The following PCSK7 variants were observed in gnomAD, a reference collection of about 807,000 sequenced individuals.
The protein encoded by PCSK7 is proprotein convertase subtilisin/kexin type 7.
Under a neutral mutation model 73.3 loss-of-function variants are expected in PCSK7, and 38 were observed. That is an observed-to-expected ratio of 0.52 (90% confidence interval 0.40 to 0.68). The LOEUF is 0.68. Among genes scored for constraint, PCSK7 ranks in the 30% least tolerant of loss-of-function variants. The pLI, the probability that PCSK7 is intolerant of heterozygous loss-of-function variation, is 0.00. For missense variants in PCSK7, 692 were observed against 991.5 expected (o/e 0.70, Z 4.06); for synonymous variants, 296 against 383.8 (o/e 0.77, Z 2.68).
intron 9 of PCSK7, chr11:117,221,530 T>C (rs7928125): frequency 6.6e-6 from 1 of 152,268 alleles, no homozygotes. Flanking sequence ...AAGACAGCTC[T>C]ACCCAGCTGC....
chr11:117,224,180 C>T lies in PCSK7; in HGVS notation c.952G>A (p.Gly318Ser), dbSNP rs1178562940. The change falls in exon 8 of 17, where the codon GGC becomes AGC. Residue 318 changes from glycine (G) to serine (S), a missense_variant. Coordinates refer to ENST00000320934, the MANE Select transcript of PCSK7 (RefSeq NM_004716.4). ...LQHGVIAGRQ[G>S]FGSIFVVASG... is the part of the protein sequence containing the mutation. ...GCTACCACAAAGATGCTCCCAAAGC[C>T]CTGGCGACCAGCAATCACCCCATGT... The T allele has an allele frequency of 1.9e-6, 3 of 1,614,146 alleles. No homozygotes were observed. Among genetic ancestry groups the T allele is most frequent in the Non-Finnish European group, 2.5e-6 (3 of 1,180,028 alleles).
At chr11:117,230,654 A>G (rs2032612052) in intron 1 of PCSK7, among the ~76,000 whole-genome samples, 186 bp from the exon 2 acceptor site, 1 of 152,008 alleles carries the variant, frequency 6.6e-6, no homozygotes, top group African/African-American at 2.4e-5. Flanking sequence ...CACCCAAAAA[A>G]CCCACTTCCT....
At chr11:117,223,606 A>G in intron 8 of PCSK7, 3 of 443,720 alleles carry the variant, frequency 6.8e-6, no homozygotes, top group East Asian at 8.1e-5. Context: ...TTCAACATTC[A>G]TTACCCATCT....
chr11:117,223,012 C>T, intron 9 of PCSK7, 196 bp downstream of exon 9: 1 of 566,738 alleles, frequency 1.8e-6, no homozygotes, highest in East Asian at 2.9e-5. Context: ...AAGATAAAAG[C>T]ATTCCCAAGA....
intron 6 of PCSK7, chr11:117,224,959 G>T: frequency 1.7e-6 from 1 of 576,728 alleles, no homozygotes. Flanking sequence ...GTGTGCTAAG[G>T]CTCTTCTTTT....
At position 117,204,451 on chromosome 11, in the gene PCSK7, C is replaced by A; in HGVS notation, c.*1546G>T. On this transcript the variant is annotated 3_prime_UTR_variant, in exon 17 of 17. Transcript: ENST00000320934. The stretch of plus-strand genomic sequence containing the variant: ...CTGCCTCACCCACACCCGTGTGGTA[C>A]CTTCAGCCCTGGCCAAGCTTTGAGG... The A allele has an allele frequency of 6.4e-7, 1 of 1,573,292 alleles. No homozygotes were observed. Among genetic ancestry groups the A allele is most frequent in the Non-Finnish European group, 8.7e-7 (1 of 1,150,482 alleles).
At position 117,221,593 on chromosome 11, in the gene PCSK7, C is replaced by G. The variant is rs1278934572; in HGVS notation, c.1155+1615G>C. ...AAGAAGTTTCCATAGCAAGGACATT[C>G]CAAAGATGGGAACTCTGCTAAACAC... On this transcript the variant is annotated intron_variant, in intron 9 of 16. Coordinates refer to ENST00000320934, the MANE Select transcript of PCSK7 (RefSeq NM_004716.4). The G allele has an allele frequency of 3.3e-5, 5 of 152,334 alleles. No homozygotes were observed. The South Asian group carries it at 6.2e-4, about 19-fold the overall frequency. 9.4% of individuals were successfully genotyped at this position (152,334 alleles called of 1,614,324 possible).
intron 1 of PCSK7, 98 bp downstream of exon 1, chr11:117,231,929 C>G (rs2032690497): frequency 6.5e-6 from 1 of 153,144 alleles, no homozygotes; most frequent in Admixed American, 6.5e-5. Flanking sequence ...ACCTCAGGCA[C>G]CCTCTGTGCA....
At position 117,224,167 on chromosome 11, in the gene PCSK7, A is replaced by T; in HGVS notation, c.965T>A (p.Ile322Asn). 6.2e-7 allele frequency: 1 copy of T among 1,614,166 alleles called. No homozygotes were observed. Among genetic ancestry groups the T allele is most frequent in the Non-Finnish European group, 8.5e-7 (1 of 1,180,010 alleles). Residue 322 changes from isoleucine (I) to asparagine (N), a missense_variant, in exon 8 of 17, where the codon ATC becomes AAC. Transcript: ENST00000320934. ...VIAGRQGFGSIFVVASGNGGQ... is the reference protein window; with the variant it reads ...VIAGRQGFGSNFVVASGNGGQ... ...TCCGTTGCCACTGGCTACCACAAAG[A>T]TGCTCCCAAAGCCCTGGCGACCAGC... is the stretch of plus-strand genomic sequence containing the variant.
intron 12 of PCSK7, chr11:117,217,902 A>G (rs1045132713): frequency 6.6e-6 from 1 of 152,196 alleles, no homozygotes; most frequent in Non-Finnish European, 1.5e-5. Flanking sequence ...GGCTTAGAGG[A>G]TACAACCCCT....
chr11:117,206,360 G>A lies in PCSK7; in HGVS notation c.1999-4C>T. Reference sequence around the variant, plus strand: ...AACAGCCTACCAGCACCAGGGTCTGGGGCCGAGGCAAGCACCTACGTGAGG... The same window carrying A: ...AACAGCCTACCAGCACCAGGGTCTGAGGCCGAGGCAAGCACCTACGTGAGG... On this transcript the variant is annotated splice_region_variant and splice_polypyrimidine_tract_variant and intron_variant, in intron 16 of 16. Coordinates refer to ENST00000320934, the MANE Select transcript of PCSK7 (RefSeq NM_004716.4). 1.2e-6 allele frequency: 2 copies of A among 1,602,074 alleles called. No individual in the cohort carries two copies. Among genetic ancestry groups the A allele is most frequent in the Non-Finnish European group, 1.7e-6 (2 of 1,172,490 alleles).
In PCSK7 at chr11:117,224,233, T is replaced by C. The variant is rs766773697; in HGVS notation, c.916-17A>G. The C allele has an allele frequency of 1.9e-5, 30 of 1,613,690 alleles. No individual in the cohort carries two copies. Among genetic ancestry groups the C allele is most frequent in the Non-Finnish European group, 2.4e-5 (28 of 1,179,688 alleles). On this transcript the variant is annotated splice_polypyrimidine_tract_variant and intron_variant, in intron 7 of 16. Coordinates refer to ENST00000320934, the MANE Select transcript of PCSK7 (RefSeq NM_004716.4). ...TAAGGCAGCCTGAGGAGCCAAAACA[T>C]CAGGGTGTCAGTTGAGGAACCCACA...
At chr11:117,221,235 A>G (rs1249098783) in intron 9 of PCSK7, 1 of 152,222 alleles carries the variant, frequency 6.6e-6, no homozygotes, top group Non-Finnish European at 1.5e-5. Context: ...CAAGAGATGT[A>G]ATTTTCACCC....
Position 117,205,976 on chromosome 11 carries a change from C to T in PCSK7, c.*21G>A, listed in dbSNP as rs1189873090. Reference sequence around the variant, plus strand: ...TAATTTTGGGAAAGAAGAGCCTGTCCCACACTGTCAGGCCCTGAGGTCAGC... The same window carrying T: ...TAATTTTGGGAAAGAAGAGCCTGTCTCACACTGTCAGGCCCTGAGGTCAGC... On this transcript the variant is annotated 3_prime_UTR_variant, in exon 17 of 17. Transcript: ENST00000320934. 2 of 931,412 alleles carry T rather than the reference C, an allele frequency of 2.1e-6. No homozygotes were observed. The highest frequency in any genetic ancestry group is 3.2e-6 in the Non-Finnish European group (2 of 627,840). 57.7% of individuals were successfully genotyped at this position (931,412 alleles called of 1,614,324 possible). A position where few individuals can be genotyped will look rare whatever the true frequency, so the allele number is the denominator to read the frequency against.
chr11:117,205,652 T>G lies in PCSK7; in HGVS notation c.*345A>C, dbSNP rs1279603509. ...GCGCTCCTGGCTATGGCAGGCACCTTCTCAACTTATATGTGGGAAGGGGTC... is the reference window on the plus strand; with the variant it reads ...GCGCTCCTGGCTATGGCAGGCACCTGCTCAACTTATATGTGGGAAGGGGTC... On this transcript the variant is annotated 3_prime_UTR_variant, in exon 17 of 17. Coordinates refer to ENST00000320934, the MANE Select transcript of PCSK7 (RefSeq NM_004716.4). 3 of 266,026 alleles carry G rather than the reference T, an allele frequency of 1.1e-5. No homozygotes were observed. Among genetic ancestry groups the G allele is most frequent in the African/African-American group, 2.2e-5 (1 of 46,410 alleles). The allele number at this position is 266,026 out of a possible 1,614,324, so 16.5% of individuals were successfully genotyped here. A position where few individuals can be genotyped will look rare whatever the true frequency, so the allele number is the denominator to read the frequency against.
Position 117,205,747 on chromosome 11 carries a change from G to A in PCSK7, c.*250C>T. ...ATGAGGATGGAGGCCAAACCAAAGG[G>A]GGGCGCCAATCCCCTGTCCAACACC... On this transcript the variant is annotated 3_prime_UTR_variant, in exon 17 of 17. Transcript: ENST00000320934. The A allele has an allele frequency of 2.5e-6, 1 of 394,980 alleles. No individual in the cohort carries two copies. Among genetic ancestry groups the A allele is most frequent in the East Asian group, 3.8e-5 (1 of 25,992 alleles). 24.5% of individuals were successfully genotyped at this position (394,980 alleles called of 1,614,324 possible).
rs2031305240 is a variant in PCSK7, at chr11:117,205,358, A to G, written c.*639T>C. On this transcript the variant is annotated 3_prime_UTR_variant, in exon 17 of 17. Transcript: ENST00000320934. Reference sequence around the variant, plus strand: ...CTCTCCTCCAACATGTGCATCTGCCATCTGCTCTGCAGTCCTGCCGCAGGA... The same window carrying G: ...CTCTCCTCCAACATGTGCATCTGCCGTCTGCTCTGCAGTCCTGCCGCAGGA... The G allele has an allele frequency of 8.6e-6, 2 of 233,548 alleles. No individual in the cohort carries two copies. The highest frequency in any genetic ancestry group is 1.7e-5 in the Non-Finnish European group (2 of 117,976). 14.5% of individuals were successfully genotyped at this position (233,548 alleles called of 1,614,324 possible). A position where few individuals can be genotyped will look rare whatever the true frequency, so the allele number is the denominator to read the frequency against.
At chr11:117,207,818 C>A (rs1276071732) in intron 14 of PCSK7, 152 bp downstream of exon 14, 1 of 642,568 alleles carries the variant, frequency 1.6e-6, no homozygotes, top group Non-Finnish European at 2.8e-6. Flanking sequence ...ATGCCCATTT[C>A]ACGGATGGGC....
chr11:117,219,387 G>A (rs993531509), intron 10 of PCSK7: 12 of 638,342 alleles, frequency 1.9e-5, no homozygotes, highest in African/African-American at 1.3e-4. Context: ...GGCACAGCCA[G>A]AGCTCCCCTT....
Sources: gnomAD v4.1 joint callset for allele counts (sites outside exome capture counted in the v4.1 genomes callset) on GRCh38, gnomAD v4.1.1 for gene constraint, MANE v1.5 for transcripts, NCBI Gene and HGNC (gene_info 2026-07-23, HGNC 2026-07-21) for gene names.